Variants in LRMDA observed in about 807,000 individuals in gnomAD.
LRMDA encodes leucine rich melanocyte differentiation associated, also known as leucine-rich melanocyte differentiation-associated protein.
LRMDA carries 18 observed loss-of-function variants against 29.8 expected under a neutral mutation model. The observed-to-expected ratio is 0.60, with a 90% CI of 0.42 to 0.90. The LOEUF (loss-of-function observed/expected upper bound fraction) is 0.90, where lower values mean the gene tolerates loss of function less well. LRMDA is among the 40% of genes least tolerant of loss of function. The pLI is 0.00. For synonymous variants in LRMDA, 125 were observed against 109.4 expected, an observed-to-expected ratio of 1.14 and a Z score of -0.89; for missense variants, 273 against 273.9, an observed-to-expected ratio of 1.00 and a Z score of 0.02.
intron 5 of LRMDA, among the ~76,000 whole-genome samples, chr10:76,241,636 C>T (rs770553890): frequency 6.6e-6 from 1 of 152,130 alleles, no homozygotes; most frequent in Non-Finnish European, 1.5e-5. Context: ...GCTGAGGGTC[C>T]CCTGCAGGCA....
intron 2 of LRMDA, among the ~76,000 whole-genome samples, chr10:75,637,821 G>A (rs561105026): frequency 6.6e-6 from 1 of 152,260 alleles, no homozygotes; most frequent in South Asian, 2.1e-4. Context: ...AACTATGAGG[G>A]GTGACTGGAC....
At chr10:75,758,669 A>C (rs147502911) in intron 2 of LRMDA, among the ~76,000 whole-genome samples, 116 of 152,226 alleles carry the variant, frequency 7.6e-4, no homozygotes, top group Middle Eastern at 6.8e-3. Flanking sequence ...GAGTTTTGTG[A>C]GTGTAGTCTT....
At chr10:76,164,994 C>T (rs747718791) in intron 5 of LRMDA, among the ~76,000 whole-genome samples, 6 of 152,114 alleles carry the variant, frequency 3.9e-5, no homozygotes, top group African/African-American at 7.2e-5. Context: ...TTTATTGAGA[C>T]GAAGTCTTGC....
chr10:76,334,974 G>T (rs1449854391), intron 6 of LRMDA, among the ~76,000 whole-genome samples: 1 of 152,194 alleles, frequency 6.6e-6, no homozygotes, highest in African/African-American at 2.4e-5. Context: ...AGAAGGGAGG[G>T]ATCTGTGATG....
chr10:75,540,186 G>T (rs1251246990), intron 2 of LRMDA, among the ~76,000 whole-genome samples: 1 of 152,186 alleles, frequency 6.6e-6, no homozygotes, highest in Non-Finnish European at 1.5e-5. Context: ...AGGTAGAGAT[G>T]TCAGGGAGGG....
In LRMDA at chr10:75,527,736, TTATAA is replaced by T. The variant is rs202158015; in HGVS notation, c.131+89248_131+89252del. On this transcript the variant is annotated intron_variant, in intron 2 of 6. Coordinates refer to ENST00000611255, the MANE Select transcript of LRMDA (RefSeq NM_001305581.2). Reference sequence around the variant, plus strand: ...ATATATTAATATAATTATATAATAATTATAATATAAATAATATATAATATATAATT... The same window carrying T: ...ATATATTAATATAATTATATAATAATTATAAATAATATATAATATATAATT... Among the ~76,000 whole-genome samples, 997 of 147,398 alleles carry T rather than the reference TTATAA, an allele frequency of 6.8e-3. 14 individuals are homozygous for T. Among genetic ancestry groups the T allele is most frequent in the African/African-American group, 0.023 (930 of 40,664 alleles).
intron 6 of LRMDA, among the ~76,000 whole-genome samples, chr10:76,381,313 A>G (rs1424747736): frequency 6.6e-6 from 1 of 152,032 alleles, no homozygotes; most frequent in Admixed American, 6.6e-5. Context: ...TTAAAATGTA[A>G]TTTATTTGAT....
intron 2 of LRMDA, among the ~76,000 whole-genome samples, chr10:75,640,772 C>T (rs1841442411): frequency 6.6e-6 from 1 of 151,846 alleles, no homozygotes; most frequent in Admixed American, 6.6e-5. Flanking sequence ...CAAAGGGAAG[C>T]TTTTTTTTAA....
intron 2 of LRMDA, among the ~76,000 whole-genome samples, chr10:76,029,522 C>T (rs184089385): frequency 2.6e-5 from 4 of 152,104 alleles, no homozygotes; most frequent in African/African-American, 9.7e-5. Flanking sequence ...AATACAGGTT[C>T]CTGAGAGCTA....
intron 2 of LRMDA, among the ~76,000 whole-genome samples, chr10:75,879,953 T>G (rs1177037241): frequency 2.6e-5 from 4 of 152,228 alleles, no homozygotes; most frequent in Non-Finnish European, 5.9e-5. Flanking sequence ...ATGATTAGCT[T>G]CTTCTACACA....
chr10:76,138,393 A>T (rs1370852378), intron 5 of LRMDA, among the ~76,000 whole-genome samples: 1 of 152,052 alleles, frequency 6.6e-6, no homozygotes, highest in African/African-American at 2.4e-5. Context: ...ATGCCATTTA[A>T]CTTCAAGCTC....
intron 2 of LRMDA, among the ~76,000 whole-genome samples, chr10:75,971,480 C>T (rs1486892743): frequency 6.6e-6 from 1 of 152,178 alleles, no homozygotes; most frequent in Non-Finnish European, 1.5e-5. Flanking sequence ...ACTCTTTCAC[C>T]AGGCTCATCA....
chr10:76,075,393 A>G (rs1848940828), intron 5 of LRMDA, among the ~76,000 whole-genome samples: 1 of 152,226 alleles, frequency 6.6e-6, no homozygotes, highest in South Asian at 2.1e-4. Context: ...GTGCAAGCCA[A>G]GGAGAGAGGT....
intron 2 of LRMDA, among the ~76,000 whole-genome samples, chr10:75,906,924 G>A (rs9415129): frequency 0.044 from 6,693 of 152,268 alleles, 604 homozygotes; most frequent in East Asian, 0.38. Context: ...GCTTTAACAT[G>A]GTCTGGCCTT....
At chr10:76,192,164 G>T (rs1851258423) in intron 5 of LRMDA, among the ~76,000 whole-genome samples, 2 of 152,088 alleles carry the variant, frequency 1.3e-5, no homozygotes, top group South Asian at 4.1e-4. Flanking sequence ...TTGCTTCCTT[G>T]GTTCTTAGAT....
intron 2 of LRMDA, among the ~76,000 whole-genome samples, chr10:75,551,425 G>T (rs59584141): frequency 6.6e-6 from 1 of 151,864 alleles, no homozygotes; most frequent in Non-Finnish European, 1.5e-5. Context: ...ATGGTGGTTT[G>T]CTGCACTCAT....
At chr10:76,023,779 T>C (rs1415892762) in intron 2 of LRMDA, among the ~76,000 whole-genome samples, 1 of 152,246 alleles carries the variant, frequency 6.6e-6, no homozygotes, top group Non-Finnish European at 1.5e-5. Flanking sequence ...TTCTGAAACA[T>C]ATCACTATTT....
intron 2 of LRMDA, among the ~76,000 whole-genome samples, chr10:75,689,552 A>T (rs766454109): frequency 9.4e-4 from 143 of 152,058 alleles, no homozygotes; most frequent in Non-Finnish European, 1.6e-3. Context: ...GATGTGAGTT[A>T]TCTCCTTTGG....
intron 2 of LRMDA, among the ~76,000 whole-genome samples, chr10:76,013,933 C>G (rs1187855167): frequency 6.6e-6 from 1 of 150,966 alleles, no homozygotes; most frequent in Non-Finnish European, 1.5e-5. Context: ...CTTCTCAGCC[C>G]TCAACCAATG....
Sources: allele counts gnomAD v4.1 joint callset (sites outside exome capture counted in the v4.1 genomes callset), GRCh38; gene constraint gnomAD v4.1.1; transcripts MANE v1.5; gene names NCBI Gene and HGNC (gene_info 2026-07-23, HGNC 2026-07-21).